GMDS: variants seen among roughly 807,000 people sequenced by gnomAD.
GMDS encodes the protein GDP-mannose 4,6-dehydratase, also known as GDP-mannose 4,6 dehydratase.
A neutral mutation model predicts 49.9 loss-of-function variants in GMDS; 20 were observed. That is an observed-to-expected ratio of 0.40 (90% confidence interval 0.28 to 0.58). The LOEUF (loss-of-function observed/expected upper bound fraction) is 0.58. Ranked by LOEUF, GMDS falls within the 20% of genes least tolerant of loss-of-function variation. GMDS has a pLI of 0.42. For missense variants in GMDS, 362 were observed against 481.4 expected, an observed-to-expected ratio of 0.75 and a Z score of 2.32; for synonymous variants, 177 against 178.6, an observed-to-expected ratio of 0.99 and a Z score of 0.07.
At chr6:1,891,339 C>G (rs1300001013) in intron 7 of GMDS, among the ~76,000 whole-genome samples, 1 of 152,178 alleles carries the variant, frequency 6.6e-6, no homozygotes, top group African/African-American at 2.4e-5. Context: ...TACTATACAG[C>G]TAGTGGCCAG....
At chr6:1,797,447 T>G (rs1159158406) in intron 7 of GMDS, among the ~76,000 whole-genome samples, 1 of 152,238 alleles carries the variant, frequency 6.6e-6, no homozygotes, top group Non-Finnish European at 1.5e-5. Context: ...TGACTTTCTA[T>G]GAAACTGAAA....
At chr6:1,815,841 C>G (rs1422519581) in intron 7 of GMDS, among the ~76,000 whole-genome samples, 2 of 152,222 alleles carry the variant, frequency 1.3e-5, no homozygotes, top group Non-Finnish European at 2.9e-5. Context: ...TGTTTTACAC[C>G]TTATCCTGAT....
chr6:1,901,050 A>C (rs1203045694), intron 7 of GMDS, among the ~76,000 whole-genome samples: 1 of 152,232 alleles, frequency 6.6e-6, no homozygotes, highest in African/African-American at 2.4e-5. Context: ...CATCCACGTC[A>C]GAGAACGGCG....
intron 7 of GMDS, among the ~76,000 whole-genome samples, chr6:1,787,587 T>G (rs1442564647): frequency 6.6e-6 from 1 of 152,194 alleles, no homozygotes. Context: ...ACAACAAAAT[T>G]AATATGCAAA....
chr6:1,731,696 A>G (rs1766815364), intron 8 of GMDS, among the ~76,000 whole-genome samples: 1 of 152,252 alleles, frequency 6.6e-6, no homozygotes, highest in South Asian at 2.1e-4. Context: ...GAAACTAATT[A>G]TGATTTTGCT....
chr6:1,849,841 A>T (rs941348742), intron 7 of GMDS, among the ~76,000 whole-genome samples: 9 of 152,216 alleles, frequency 5.9e-5, no homozygotes, highest in Non-Finnish European at 1.0e-4. Context: ...ACAGTTTTGC[A>T]ATCCCTTCTA....
intron 7 of GMDS, among the ~76,000 whole-genome samples, chr6:1,891,547 T>C (rs1476400548): frequency 2.0e-5 from 3 of 152,238 alleles, no homozygotes; most frequent in South Asian, 4.1e-4. Context: ...CACTTAGTAT[T>C]AAGTACTTGA....
At chr6:1,678,132 A>G (rs534754467) in intron 9 of GMDS, among the ~76,000 whole-genome samples, 1 of 152,022 alleles carries the variant, frequency 6.6e-6, no homozygotes, top group East Asian at 1.9e-4. Context: ...CAGCCTTAGG[A>G]GGGACCCCAC....
chr6:2,044,026 C>T (rs1769845882), intron 4 of GMDS, among the ~76,000 whole-genome samples: 1 of 152,170 alleles, frequency 6.6e-6, no homozygotes, highest in South Asian at 2.1e-4. Context: ...TATCATCTCA[C>T]ACCAGTCAGA....
At chr6:1,779,531 G>A (rs536964906) in intron 7 of GMDS, among the ~76,000 whole-genome samples, 60 of 152,252 alleles carry the variant, frequency 3.9e-4, no homozygotes, top group Non-Finnish European at 5.6e-4. Context: ...ATTTTCCAGC[G>A]AGAAACAATG....
chr6:2,160,358 C>T (rs1777333780), intron 1 of GMDS, among the ~76,000 whole-genome samples: 5 of 152,154 alleles, frequency 3.3e-5, no homozygotes, highest in Admixed American at 3.3e-4. Flanking sequence ...TTAATCTTCA[C>T]TAAGATATAA....
intron 7 of GMDS, among the ~76,000 whole-genome samples, chr6:1,803,594 A>AT (rs201360697): frequency 0.011 from 1,700 of 152,168 alleles, 27 homozygotes; most frequent in African/African-American, 0.038. Context: ...ATAAATAAAT[A>AT]AATATAATAG....
intron 7 of GMDS, among the ~76,000 whole-genome samples, chr6:1,804,356 G>A (rs115766964): frequency 1.6e-4 from 25 of 152,360 alleles, no homozygotes; most frequent in Admixed American, 7.8e-4. Flanking sequence ...CTGAACTCAC[G>A]GCTGGCCAGC....
chr6:1,986,450 G>A (rs575454827), intron 4 of GMDS, among the ~76,000 whole-genome samples: 1 of 152,236 alleles, frequency 6.6e-6, no homozygotes, highest in East Asian at 1.9e-4. Flanking sequence ...AATTCCCTAT[G>A]AAACCTAGTC....
chr6:2,006,749 T>C (rs2127388829), intron 4 of GMDS, among the ~76,000 whole-genome samples: 1 of 152,344 alleles, frequency 6.6e-6, no homozygotes, highest in South Asian at 2.1e-4. Flanking sequence ...AGCTTTCCCC[T>C]AAATAAATTA....
In GMDS at chr6:1,909,990, G is replaced by A. The variant is rs116401946; in HGVS notation, c.771+20113C>T. 8.6e-3 allele frequency among the ~76,000 whole-genome samples: 1,307 copies of A among 152,318 alleles called. 19 individuals are homozygous for A. The highest frequency in any genetic ancestry group is 0.029 in the African/African-American group (1,222 of 41,564). On this transcript the variant is annotated intron_variant, in intron 7 of 10. Coordinates refer to ENST00000380815, the MANE Select transcript of GMDS (RefSeq NM_001500.4). The stretch of plus-strand genomic sequence containing the variant: ...TGGCTCATCTGAGATGAGGTGTGCT[G>A]TGAAGTATAAAATGTACACTGGATT...
chr6:1,734,015 T>A (rs1766922497), intron 8 of GMDS, among the ~76,000 whole-genome samples: 2 of 152,022 alleles, frequency 1.3e-5, no homozygotes, highest in Non-Finnish European at 2.9e-5. Flanking sequence ...GCGGGTGCCG[T>A]TTTTATGCTT....
At chr6:1,696,117 C>T (rs1205209623) in intron 9 of GMDS, among the ~76,000 whole-genome samples, 1 of 152,040 alleles carries the variant, frequency 6.6e-6, no homozygotes, top group African/African-American at 2.4e-5. Flanking sequence ...GAGGGTGATT[C>T]TGTTCCATGA....
In GMDS at chr6:2,111,514, C is replaced by G. The variant is rs185352899; in HGVS notation, c.345+4257G>C. ...CAATTTCATCTTCGCTGGTTTCCTA[C>G]AGGAAACCAGAGCAACTTCCTATTA... On this transcript the variant is annotated intron_variant, in intron 4 of 10. Coordinates refer to ENST00000380815, the MANE Select transcript of GMDS (RefSeq NM_001500.4). 8.3e-3 allele frequency among the ~76,000 whole-genome samples: 1,257 copies of G among 152,248 alleles called. 66 individuals carry two copies. Among genetic ancestry groups the G allele is most frequent in the Admixed American group, 0.076 (1,157 of 15,290 alleles).
Sources: allele counts gnomAD v4.1 joint callset (sites outside exome capture counted in the v4.1 genomes callset), GRCh38; gene constraint gnomAD v4.1.1; transcripts MANE v1.5; gene names NCBI Gene and HGNC (gene_info 2026-07-23, HGNC 2026-07-21).